Variants in SLC5A8 observed in about 807,000 individuals in gnomAD.
SLC5A8 encodes sodium-coupled monocarboxylate transporter 1.
A neutral mutation model predicts 71.9 loss-of-function variants in SLC5A8; 55 were observed. The observed-to-expected ratio is 0.77, with a 90% CI of 0.62 to 0.96. The LOEUF (loss-of-function observed/expected upper bound fraction) is 0.96. SLC5A8 is among the 40% of genes least tolerant of loss of function. The pLI is 0.00. For synonymous variants in SLC5A8, 307 were observed against 276.1 expected, an observed-to-expected ratio of 1.11 and a Z score of -1.11; for missense variants, 701 against 745.3, an observed-to-expected ratio of 0.94 and a Z score of 0.69.
chr12:101,182,640 A>G (rs1000186262), intron 9 of SLC5A8, among the ~76,000 whole-genome samples, 163 bp downstream of exon 9: 13 of 152,210 alleles, frequency 8.5e-5, no homozygotes, highest in African/African-American at 2.9e-4. Context: ...TTAAACATTG[A>G]TACAAACATT....
At chr12:101,168,986 AG>A (rs1336308965) in intron 10 of SLC5A8, among the ~76,000 whole-genome samples, 1 of 152,202 alleles carries the variant, frequency 6.6e-6, no homozygotes, top group African/African-American at 2.4e-5. Context: ...TAGAGGAAAT[AG>A]TGCTTCTTGT....
At chr12:101,190,351 T>A in intron 6 of SLC5A8, 117 bp downstream of exon 6, 1 of 1,125,120 alleles carries the variant, frequency 8.9e-7, no homozygotes, top group South Asian at 1.6e-5. Flanking sequence ...ATATCATTTA[T>A]CTCTTGGAAT....
chr12:101,175,602 G>GAA (rs567989537), intron 10 of SLC5A8, among the ~76,000 whole-genome samples: 1 of 150,892 alleles, frequency 6.6e-6, no homozygotes, highest in African/African-American at 2.4e-5. Flanking sequence ...GAAAACTAAA[G>GAA]AAAAAACAAA....
intron 12 of SLC5A8, 50 bp downstream of exon 12, chr12:101,166,444 T>C (rs987813355): frequency 1.3e-6 from 2 of 1,512,696 alleles, no homozygotes; most frequent in African/African-American, 2.8e-5. Context: ...GGTTCTCTAC[T>C]TGTTGCGTAA....
chr12:101,180,137 A>G (rs773564366), intron 9 of SLC5A8, 41 bp from the exon 10 acceptor site: 114 of 1,588,238 alleles, frequency 7.2e-5, no homozygotes, highest in Admixed American at 1.0e-4. Flanking sequence ...ATCCACACCC[A>G]GAGAATTAGA....
chr12:101,157,654 G>T (rs2051678444), intron 14 of SLC5A8, among the ~76,000 whole-genome samples: 1 of 152,034 alleles, frequency 6.6e-6, no homozygotes. Flanking sequence ...TCAGAGGATA[G>T]ACAGATATAT....
intron 11 of SLC5A8, 82 bp downstream of exon 11, chr12:101,168,014 A>T (rs1199531725): frequency 7.7e-7 from 1 of 1,305,602 alleles, no homozygotes; most frequent in African/African-American, 1.5e-5. Flanking sequence ...CAAATCTCAA[A>T]GGAACCAACT....
At chr12:101,191,698 T>C (rs1356152298) in intron 5 of SLC5A8, among the ~76,000 whole-genome samples, 1 of 152,200 alleles carries the variant, frequency 6.6e-6, no homozygotes, top group Non-Finnish European at 1.5e-5. Context: ...ACACAGAAAA[T>C]ACCAATACAA....
chr12:101,191,587 C>G (rs1029419190), intron 5 of SLC5A8, among the ~76,000 whole-genome samples: 1 of 152,146 alleles, frequency 6.6e-6, no homozygotes, highest in African/African-American at 2.4e-5. Flanking sequence ...AACTGAAGAG[C>G]CAAAAGGAGC....
intron 10 of SLC5A8, among the ~76,000 whole-genome samples, chr12:101,178,822 T>TAAA (rs3084371): frequency 1.7e-3 from 248 of 147,034 alleles, no homozygotes; most frequent in East Asian, 4.4e-3. Flanking sequence ...TTATCCAAAC[T>TAAA]AAAAAAAAAA....
intron 3 of SLC5A8, among the ~76,000 whole-genome samples, chr12:101,197,785 T>TA (rs893492771): frequency 2.8e-4 from 42 of 152,074 alleles, no homozygotes; most frequent in African/African-American, 8.4e-4. Flanking sequence ...GTAGAACAAG[T>TA]AAAACAAATT....
chr12:101,170,881 C>T (rs930807707), intron 10 of SLC5A8, among the ~76,000 whole-genome samples: 1 of 152,298 alleles, frequency 6.6e-6, no homozygotes, highest in South Asian at 2.1e-4. Context: ...GTGGTGCTCG[C>T]GTGTTTCGGG....
At chr12:101,177,473 ACACACG>A (rs1258452713) in intron 10 of SLC5A8, among the ~76,000 whole-genome samples, 32 of 151,552 alleles carry the variant, frequency 2.1e-4, no homozygotes, top group African/African-American at 6.3e-4. Context: ...ACACACACAC[ACACACG>A]CATGCATGCA....
At position 101,182,907 on chromosome 12, in the gene SLC5A8, G is replaced by A; in HGVS notation, c.1061C>T (p.Ser354Phe). Residue 354 changes from serine to phenylalanine, a missense_variant, in exon 9 of 15, where the codon TCC becomes TTC. Transcript: ENST00000536262. ...CAYSGTLSTVSSSINALAAVT... is the reference protein window; with the variant it reads ...CAYSGTLSTVFSSINALAAVT... ...TGCTGCTAAGGCATTAATACTGGAG[G>A]ACACTGTGCTGTAAGGGAAAATAAA... 6.4e-7 allele frequency: 1 copy of A among 1,553,294 alleles called. No homozygotes were observed.
At chr12:101,188,732 T>A (rs1177087611) in intron 6 of SLC5A8, among the ~76,000 whole-genome samples, 1 of 152,226 alleles carries the variant, frequency 6.6e-6, no homozygotes, top group African/African-American at 2.4e-5. Flanking sequence ...AAGGTGGGTT[T>A]ATCAGATTTA....
At chr12:101,193,898 C>G in intron 4 of SLC5A8, 119 bp from the exon 5 acceptor site, 1 of 1,001,886 alleles carries the variant, frequency 1.0e-6, no homozygotes, top group South Asian at 1.9e-5. Context: ...AAGAAGTGCA[C>G]TCAAGGGAAA....
chr12:101,202,247 T>C, intron 2 of SLC5A8, 32 bp from the exon 3 acceptor site: 1 of 1,506,410 alleles, frequency 6.6e-7, no homozygotes, highest in Non-Finnish European at 8.9e-7. Context: ...AAATGAATTA[T>C]ATGAATTATA....
At chr12:101,196,797 A>G (rs919804367) in intron 3 of SLC5A8, among the ~76,000 whole-genome samples, 1 of 152,206 alleles carries the variant, frequency 6.6e-6, no homozygotes, top group Non-Finnish European at 1.5e-5. Context: ...TATTACATCC[A>G]TGGCTCTCAA....
intron 2 of SLC5A8, among the ~76,000 whole-genome samples, chr12:101,202,974 C>T (rs1261506558): frequency 1.3e-5 from 2 of 152,144 alleles, no homozygotes; most frequent in Non-Finnish European, 2.9e-5. Flanking sequence ...ATGAGTAGAG[C>T]TATGAAGTCC....
Sources: gnomAD v4.1 joint callset for allele counts (sites outside exome capture counted in the v4.1 genomes callset) on GRCh38, gnomAD v4.1.1 for gene constraint, MANE v1.5 for transcripts, NCBI Gene and HGNC (gene_info 2026-07-23, HGNC 2026-07-21) for gene names.